ZMAT4: variants seen among roughly 807,000 people sequenced by gnomAD.
ZMAT4 encodes the protein zinc finger matrin-type protein 4.
In ZMAT4, 17 loss-of-function variants were observed where a neutral mutation model predicts 28.7. The observed-to-expected ratio is 0.59, with a 90% CI of 0.41 to 0.89. The LOEUF (loss-of-function observed/expected upper bound fraction) is 0.89, where lower values mean the gene tolerates loss of function less well. Ranked by LOEUF, ZMAT4 falls within the 40% of genes least tolerant of loss-of-function variation. ZMAT4 has a pLI of 0.00. For synonymous variants in ZMAT4, 117 were observed against 109.2 expected (o/e 1.07, Z -0.44); for missense variants, 240 against 283.8 (o/e 0.85, Z 1.11).
intron 1 of ZMAT4, among the ~76,000 whole-genome samples, chr8:40,836,131 C>G (rs1014607313): frequency 6.6e-6 from 1 of 152,146 alleles, no homozygotes; most frequent in African/African-American, 2.4e-5. Context: ...TGTGACACCC[C>G]CTACTTTGGG....
chr8:40,761,551 A>C (rs1812938451), intron 3 of ZMAT4, among the ~76,000 whole-genome samples: 1 of 152,160 alleles, frequency 6.6e-6, no homozygotes, highest in Non-Finnish European at 1.5e-5. Flanking sequence ...CATCAACTTC[A>C]TTAGAGGCAG....
intron 1 of ZMAT4, among the ~76,000 whole-genome samples, chr8:40,876,751 A>T (rs763323219): frequency 2.9e-4 from 44 of 152,230 alleles, no homozygotes; most frequent in Admixed American, 6.5e-5. Context: ...GATCAGTAGT[A>T]GGCTATTAGT....
chr8:40,589,731 C>CTTTCTTTCTTTCTTTCTTTCTTT lies in ZMAT4; in HGVS notation c.578-8471_578-8470insAAAGAAAGAAAGAAAGAAAGAAA, dbSNP rs1554523988. 6.7e-3 allele frequency among the ~76,000 whole-genome samples: 928 copies of CTTTCTTTCTTTCTTTCTTTCTTT among 139,378 alleles called. 14 individuals are homozygous for CTTTCTTTCTTTCTTTCTTTCTTT. The highest frequency in any genetic ancestry group is 0.02 in the African/African-American group (729 of 37,332). The allele number at this position is 139,378 out of a possible 152,430, so 91.4% of individuals were successfully genotyped here. A position where few individuals can be genotyped will look rare whatever the true frequency, so the allele number is the denominator to read the frequency against. ...CTTCTTCCTTCTTCCTTCTTCCTTT[C>CTTTCTTTCTTTCTTTCTTTCTTT]CTTTCTTTCTTTCTTTCTTTCTTTC... On this transcript the variant is annotated intron_variant, in intron 5 of 6. Coordinates refer to ENST00000297737, the MANE Select transcript of ZMAT4 (RefSeq NM_024645.3).
intron 5 of ZMAT4, 167 bp downstream of exon 5, chr8:40,674,532 TTAAAC>T (rs1808824289): frequency 6.8e-6 from 4 of 587,924 alleles, no homozygotes; most frequent in South Asian, 2.3e-5. Flanking sequence ...ATTATAAAAA[TTAAAC>T]TAAAGCAAGC....
chr8:40,670,781 C>A lies in ZMAT4; in HGVS notation c.577+3923G>T, dbSNP rs2122944. Reference sequence around the variant, plus strand: ...GACCAATAAGCACATTTAAAAAGTACTTGACGGCAGGGTGTGGTGGCTCAC... The same window carrying A: ...GACCAATAAGCACATTTAAAAAGTAATTGACGGCAGGGTGTGGTGGCTCAC... On this transcript the variant is annotated intron_variant, in intron 5 of 6. Coordinates refer to ENST00000297737, the MANE Select transcript of ZMAT4 (RefSeq NM_024645.3). Among the ~76,000 whole-genome samples, 763 of 152,056 alleles carry A rather than the reference C, an allele frequency of 5.0e-3. 6 individuals carry two copies. The highest frequency in any genetic ancestry group is 0.017 in the African/African-American group (723 of 41,522).
At chr8:40,854,903 A>G (rs1315586678) in intron 1 of ZMAT4, among the ~76,000 whole-genome samples, 3 of 152,112 alleles carry the variant, frequency 2.0e-5, no homozygotes, top group Admixed American at 6.5e-5. Flanking sequence ...AAAGGACTCA[A>G]TTTTTTAAAG....
At chr8:40,880,950 C>T (rs1818200893) in intron 1 of ZMAT4, among the ~76,000 whole-genome samples, 2 of 152,150 alleles carry the variant, frequency 1.3e-5, no homozygotes, top group South Asian at 4.1e-4. Context: ...CAAACAACCG[C>T]CCAACTCCCC....
At position 40,891,061 on chromosome 8, in the gene ZMAT4, C is replaced by A. The variant is rs141648570; in HGVS notation, c.-5+6622G>T. ...CAAAATCGAGGGCGGGGGCTGGATG[C>A]GGCAGTGTGTGCTTGTAATCCCAGA... On this transcript the variant is annotated intron_variant, in intron 1 of 6. Coordinates refer to ENST00000297737, the MANE Select transcript of ZMAT4 (RefSeq NM_024645.3). Among the ~76,000 whole-genome samples, 203 of 150,776 alleles carry A rather than the reference C, an allele frequency of 1.3e-3. 1 individual carries two copies. The highest frequency in any genetic ancestry group is 4.8e-3 in the African/African-American group (196 of 40,980).
At chr8:40,793,627 G>A (rs1814458555) in intron 2 of ZMAT4, among the ~76,000 whole-genome samples, 2 of 152,162 alleles carry the variant, frequency 1.3e-5, no homozygotes, top group Admixed American at 6.5e-5. Context: ...AAAGTCCAAC[G>A]CTTGCGAACA....
At chr8:40,807,163 C>T (rs937996345) in intron 2 of ZMAT4, among the ~76,000 whole-genome samples, 1 of 143,138 alleles carries the variant, frequency 7.0e-6, no homozygotes, top group Admixed American at 7.1e-5. Context: ...AAAAGTCAGC[C>T]GGGCACAGTG....
intron 3 of ZMAT4, among the ~76,000 whole-genome samples, chr8:40,729,639 G>A (rs1207009214): frequency 6.9e-6 from 1 of 145,972 alleles, no homozygotes; most frequent in African/African-American, 2.5e-5. Flanking sequence ...TCTGTCACCA[G>A]GCTGGAGTGC....
intron 2 of ZMAT4, among the ~76,000 whole-genome samples, chr8:40,798,477 G>T (rs533429076): frequency 6.6e-6 from 1 of 152,304 alleles, no homozygotes; most frequent in East Asian, 1.9e-4. Context: ...AAGCAGAAAA[G>T]AACACTAGAA....
Position 40,742,030 on chromosome 8 carries a change from G to A in ZMAT4, c.192+25611C>T, listed in dbSNP as rs559438740. Reference sequence around the variant, plus strand: ...GAGGCGGGCAGATCACTTGAGGCCAGGAGTTTGAGACCAGCCTGGACAACA... The same window carrying A: ...GAGGCGGGCAGATCACTTGAGGCCAAGAGTTTGAGACCAGCCTGGACAACA... On this transcript the variant is annotated intron_variant, in intron 3 of 6. Transcript: ENST00000297737. Among the ~76,000 whole-genome samples the A allele has an allele frequency of 9.2e-5, 14 of 152,058 alleles. No individual in the cohort carries two copies. The East Asian group carries it at 2.5e-3, about 27-fold the overall frequency.
chr8:40,571,974 A>C (rs1424222279), intron 6 of ZMAT4, among the ~76,000 whole-genome samples: 1 of 152,212 alleles, frequency 6.6e-6, no homozygotes, highest in Non-Finnish European at 1.5e-5. Context: ...TACATTGAAA[A>C]TTCTACAAAG....
At chr8:40,808,260 A>AT (rs75523860) in intron 2 of ZMAT4, among the ~76,000 whole-genome samples, 63,728 of 151,670 alleles carry the variant, frequency 0.42, 14,006 homozygotes, top group Middle Eastern at 0.57. Flanking sequence ...TAAGAAAATA[A>AT]TTTTTTTTCT....
intron 1 of ZMAT4, among the ~76,000 whole-genome samples, chr8:40,831,341 C>T (rs1368199990): frequency 6.6e-6 from 1 of 152,148 alleles, no homozygotes; most frequent in East Asian, 1.9e-4. Flanking sequence ...TTTGTCTTAC[C>T]CTCTCGTCCT....
chr8:40,580,062 G>A (rs1438076470), intron 6 of ZMAT4, among the ~76,000 whole-genome samples: 3 of 145,902 alleles, frequency 2.1e-5, no homozygotes, highest in Non-Finnish European at 4.5e-5. Flanking sequence ...ACCCAGGCTG[G>A]AGTGCAGTGG....
At chr8:40,566,364 T>G (rs1488933015) in intron 6 of ZMAT4, among the ~76,000 whole-genome samples, 1 of 152,200 alleles carries the variant, frequency 6.6e-6, no homozygotes, top group Non-Finnish European at 1.5e-5. Flanking sequence ...TGCCCAGATC[T>G]TTTTTTAACT....
chr8:40,581,115 C>T (rs750756742), intron 6 of ZMAT4, 50 bp downstream of exon 6: 12 of 1,487,790 alleles, frequency 8.1e-6, no homozygotes, highest in Non-Finnish European at 1.1e-5. Context: ...AGTCATCTTA[C>T]TAAAAATTAC....
Sources: allele counts gnomAD v4.1 joint callset (sites outside exome capture counted in the v4.1 genomes callset), GRCh38; gene constraint gnomAD v4.1.1; transcripts MANE v1.5; gene names NCBI Gene and HGNC (gene_info 2026-07-23, HGNC 2026-07-21).